Variants in VPS8 observed in about 807,000 individuals in gnomAD.
The protein encoded by VPS8 is vacuolar protein sorting-associated protein 8 homolog.
VPS8 carries 129 observed loss-of-function variants against 216.4 expected under a neutral mutation model. The observed-to-expected ratio is 0.60, with a 90% CI of 0.52 to 0.69. The LOEUF (loss-of-function observed/expected upper bound fraction) is 0.69, where lower values mean the gene tolerates loss of function less well. Among genes scored for constraint, VPS8 ranks in the 30% least tolerant of loss-of-function variants. VPS8 has a pLI of 0.00. For synonymous variants in VPS8, 571 were observed against 565.4 expected (o/e 1.01, Z -0.14); for missense variants, 1,531 against 1,683.5 (o/e 0.91, Z 1.59).
At chr3:184,839,001 G>A (rs577202088) in intron 6 of VPS8, 1 of 378,034 alleles carries the variant, frequency 2.6e-6, no homozygotes, top group South Asian at 4.4e-5. Flanking sequence ...TTATTTGTTT[G>A]TAGTACTACC....
At chr3:184,985,430 G>A (rs1344782178) in intron 42 of VPS8, among the ~76,000 whole-genome samples, 1 of 152,086 alleles carries the variant, frequency 6.6e-6, no homozygotes, top group African/African-American at 2.4e-5. Context: ...TTAGATGAAA[G>A]GCATAGTTCT....
In VPS8 at chr3:184,894,735, TA is replaced by T; in HGVS notation, c.1816del (p.Ser606ValfsTer19). 1 of 1,606,668 alleles carries T rather than the reference TA, an allele frequency of 6.2e-7. No homozygotes were observed. Among genetic ancestry groups the T allele is most frequent in the Non-Finnish European group, 8.5e-7 (1 of 1,176,040 alleles). Reference protein sequence around the residue: ...DLLFSQMYDKLSENSVAKGVF... With the variant: ...DLLFSQMYDKXSENSVAKGVF... ...TTATTTAGTCAGATGTATGATAAAT[TA>T]AGTGAGAATTCAGTGGCCAAAGGAG... On this transcript the variant is annotated frameshift_variant, in exon 23 of 48. Transcript: ENST00000625842. LOFTEE classifies it high-confidence loss of function.
chr3:184,876,828 A>G (rs1256647534), intron 21 of VPS8, among the ~76,000 whole-genome samples: 1 of 152,168 alleles, frequency 6.6e-6, no homozygotes, highest in Non-Finnish European at 1.5e-5. Context: ...GAATTCTCCA[A>G]ATCGATCTCT....
intron 46 of VPS8, among the ~76,000 whole-genome samples, chr3:185,047,583 C>A (rs537191279): frequency 1.1e-4 from 16 of 152,260 alleles, no homozygotes; most frequent in Admixed American, 8.5e-4. Flanking sequence ...AAAAACACTT[C>A]TGAAATCAAC....
intron 8 of VPS8, among the ~76,000 whole-genome samples, chr3:184,846,881 A>G (rs539548860): frequency 6.6e-4 from 101 of 152,368 alleles, no homozygotes; most frequent in African/African-American, 1.9e-3. Context: ...AATAAGGATC[A>G]TGCAAAACAT....
chr3:184,828,852 C>T (rs1719375797), intron 3 of VPS8, among the ~76,000 whole-genome samples: 6 of 152,266 alleles, frequency 3.9e-5, no homozygotes, highest in African/African-American at 7.2e-5. Flanking sequence ...ATAAAGCAGC[C>T]GAACATTACT....
intron 21 of VPS8, among the ~76,000 whole-genome samples, chr3:184,872,764 T>C (rs1218220351): frequency 1.3e-5 from 2 of 152,074 alleles, no homozygotes; most frequent in Non-Finnish European, 2.9e-5. Context: ...GAGTCCTCTA[T>C]TTCAGAAAGC....
chr3:185,015,713 T>C (rs1213597796), intron 45 of VPS8, among the ~76,000 whole-genome samples: 1 of 152,204 alleles, frequency 6.6e-6, no homozygotes, highest in Non-Finnish European at 1.5e-5. Flanking sequence ...GCTAAATGGG[T>C]TTGCCAAGTA....
At chr3:184,972,643 A>G (rs1748613798) in intron 40 of VPS8, among the ~76,000 whole-genome samples, 1 of 152,232 alleles carries the variant, frequency 6.6e-6, no homozygotes, top group Non-Finnish European at 1.5e-5. Context: ...TGTGCAGCCA[A>G]GGTTGGAACC....
At chr3:185,006,925 G>A (rs1194329681) in intron 45 of VPS8, among the ~76,000 whole-genome samples, 1 of 152,144 alleles carries the variant, frequency 6.6e-6, no homozygotes, top group Admixed American at 6.5e-5. Context: ...AACTCTACAG[G>A]ATGCAATAGT....
intron 40 of VPS8, among the ~76,000 whole-genome samples, chr3:184,972,030 C>G (rs903191164): frequency 1.3e-5 from 2 of 151,020 alleles, no homozygotes; most frequent in Non-Finnish European, 2.9e-5. Context: ...GAGCTGAGAT[C>G]GCACCATTGC....
intron 36 of VPS8, among the ~76,000 whole-genome samples, chr3:184,946,132 G>A (rs941243639): frequency 6.6e-6 from 1 of 152,196 alleles, no homozygotes; most frequent in African/African-American, 2.4e-5. Context: ...ATGACTCCTT[G>A]TGCAGCAAGG....
intron 25 of VPS8, among the ~76,000 whole-genome samples, chr3:184,904,201 T>C (rs1360162390): frequency 6.6e-6 from 1 of 152,226 alleles, no homozygotes; most frequent in African/African-American, 2.4e-5. Context: ...TTTTTCTTTC[T>C]AATATAGATG....
At chr3:184,984,194 A>AAAAAAAAAAAAAAAAAAAAAAAACCAAG in intron 42 of VPS8, among the ~76,000 whole-genome samples, 1 of 46,526 alleles carries the variant, frequency 2.1e-5, no homozygotes, top group African/African-American at 6.7e-5. Context: ...AAAAAAAAAA[A>AAAAAAAAAAAAAAAAAAAAAAAACCAAG]CTCTACTTCC....
intron 46 of VPS8, among the ~76,000 whole-genome samples, chr3:185,043,550 T>C (rs78246812): frequency 0.1 from 15,359 of 152,250 alleles, 873 homozygotes; most frequent in African/African-American, 0.14. Flanking sequence ...AAGGCATTCG[T>C]GAACGCCTAG....
chr3:184,865,274 A>G (rs993028454), intron 16 of VPS8, among the ~76,000 whole-genome samples: 1 of 151,906 alleles, frequency 6.6e-6, no homozygotes, highest in Non-Finnish European at 1.5e-5. Context: ...AACTGTAGAC[A>G]CACACATTTA....
rs4572747 is a variant in VPS8 at position 184,982,568 on chromosome 3, A to C, written c.3423A>C (p.Ala1141=). 1,547,804 of 1,611,208 alleles carry C rather than the reference A, an allele frequency of 0.96. 747,265 individuals are homozygous for C. The highest frequency in any genetic ancestry group is 0.98 in the Non-Finnish European group (1,158,246 of 1,178,718). ...SHNLNQQQRE[A]LWFPLLEAMM... ...TTTGATTTTCTCTGACATTATAGGCACTTTGGTTTCCGTTATTGGAGGCAA... is the reference window on the plus strand; with the variant it reads ...TTTGATTTTCTCTGACATTATAGGCCCTTTGGTTTCCGTTATTGGAGGCAA... The change falls in exon 41 of 48, where the codon GCA becomes GCC. Residue 1141 remains alanine, a splice_region_variant and synonymous_variant. Transcript: ENST00000625842.
At chr3:184,922,466 A>G (rs772428875) in intron 29 of VPS8, 7 of 452,166 alleles carry the variant, frequency 1.5e-5, no homozygotes, top group Non-Finnish European at 2.7e-5. Flanking sequence ...CCTGTAACCC[A>G]GTAGATGTCA....
chr3:184,934,933 T>A (rs556748061), intron 34 of VPS8, among the ~76,000 whole-genome samples: 3 of 152,342 alleles, frequency 2.0e-5, no homozygotes, highest in Admixed American at 2.0e-4. Flanking sequence ...AATTATTTCT[T>A]CCTTAAATGG....
Sources: allele counts gnomAD v4.1 joint callset (sites outside exome capture counted in the v4.1 genomes callset), GRCh38; gene constraint gnomAD v4.1.1; transcripts MANE v1.5; gene names NCBI Gene and HGNC (gene_info 2026-07-23, HGNC 2026-07-21).